DUSP18: variants seen among roughly 807,000 people sequenced by gnomAD.
DUSP18 encodes the protein dual specificity protein phosphatase 18.
Under a neutral mutation model 6.3 loss-of-function variants are expected in DUSP18, and 4 were observed. The observed-to-expected ratio is 0.63, with a 90% CI of 0.31 to 1.45. The LOEUF is 1.45. Among genes scored for constraint, DUSP18 ranks in the 40% most tolerant of loss-of-function variants. DUSP18 has a pLI of 0.07. For synonymous variants in DUSP18, 96 were observed against 95.1 expected (o/e 1.01, Z -0.05); for missense variants, 235 against 247.7 (o/e 0.95, Z 0.34).
chr22:30,657,291 AC>A (rs2088358619), downstream of DUSP18, among the ~76,000 whole-genome samples: 6 of 150,900 alleles, frequency 4.0e-5, no homozygotes, highest in Admixed American at 1.3e-4. Flanking sequence ...ACACACACAC[AC>A]ACACACACAC....
Position 30,663,947 on chromosome 22 carries a change from G to C in DUSP18, c.57C>G (p.Gly19=), listed in dbSNP as rs1374312333. ...ACAGGCTTTTGGTTATCTGCGAGAG[G>C]CCGCTGACTGAGGGCTGCCGGAACT... ...PVQFRQPSVS[G]LSQITKSLYI... The change falls in exon 2 of 2, where the codon GGC becomes GGG. Residue 19 remains glycine (G), a synonymous_variant. Transcript: ENST00000334679. 1 of 1,614,200 alleles carries C rather than the reference G, an allele frequency of 6.2e-7. No individual in the cohort carries two copies. The highest frequency in any genetic ancestry group is 8.5e-7 in the Non-Finnish European group (1 of 1,180,032).
At chr22:30,654,803 C>T (rs547235159) in intron 2 of DUSP18, 3 of 191,966 alleles carry the variant, frequency 1.6e-5, no homozygotes, top group Non-Finnish European at 3.2e-5. Flanking sequence ...CCGGGACCTG[C>T]CCCTCTGCCA....
In DUSP18 at chr22:30,663,955, CTG is replaced by C; in HGVS notation, c.47_48del (p.Ser16CysfsTer27). On this transcript the variant is annotated frameshift_variant, in exon 2 of 2. Coordinates refer to ENST00000334679, the MANE Select transcript of DUSP18 (RefSeq NM_152511.5). LOFTEE classifies it high-confidence loss of function. Reference sequence around the variant, plus strand: ...TTGGTTATCTGCGAGAGGCCGCTGACTGAGGGCTGCCGGAACTGAACTGGGAA... The same window carrying C: ...TTGGTTATCTGCGAGAGGCCGCTGACAGGGCTGCCGGAACTGAACTGGGAA... Reference protein sequence around the residue: ...CAFPVQFRQPSVSGLSQITKS... With the variant: ...CAFPVQFRQPXVSGLSQITKS... 1 of 1,614,188 alleles carries C rather than the reference CTG, an allele frequency of 6.2e-7. No homozygotes were observed. Among genetic ancestry groups the C allele is most frequent in the Non-Finnish European group, 8.5e-7 (1 of 1,180,020 alleles).
chr22:30,656,158 G>A lies in DUSP18; in HGVS notation c.*34-3861C>T, dbSNP rs563997817. On this transcript the variant is annotated intron_variant, in intron 2 of 2. Coordinates refer to the DUSP18 transcript ENST00000404885. ...TGGGCTTTTTTTTTTTAAACTTTTT[G>A]TAGAGAAGGAGTCTCACTATGTTGC... Among the ~76,000 whole-genome samples, 9 of 151,168 alleles carry A rather than the reference G, an allele frequency of 6.0e-5. No individual in the cohort carries two copies. The South Asian group carries it at 1.7e-3, about 28-fold the overall frequency.
In DUSP18 at chr22:30,663,696, T is replaced by G. The variant is rs1374222537; in HGVS notation, c.308A>C (p.His103Pro). 24 of 1,614,220 alleles carry G rather than the reference T, an allele frequency of 1.5e-5. No individual in the cohort carries two copies. The highest frequency in any genetic ancestry group is 1.8e-5 in the Non-Finnish European group (21 of 1,180,042). Reference sequence around the variant, plus strand: ...TGAGCGGCTCACACCAGCAGCACAGTGCAGCAAAGTACGGCCCTGCTTCAT... The same window carrying G: ...TGAGCGGCTCACACCAGCAGCACAGGGCAGCAAAGTACGGCCCTGCTTCAT... The part of the protein sequence containing the change: ...VEMKQGRTLL[H>P]CAAGVSRSAA... Residue 103 changes from histidine (H) to proline (P), a missense_variant, in exon 2 of 2, where the codon CAC (histidine) becomes CCC (proline). Physicochemically the swap from His to Pro is moderately conservative, Grantham distance 77. Transcript: ENST00000334679.
chr22:30,663,767 G>C lies in DUSP18; in HGVS notation c.237C>G (p.Leu79=), dbSNP rs1246594038. 1 of 1,614,226 alleles carries C rather than the reference G, an allele frequency of 6.2e-7. No individual in the cohort carries two copies. Among genetic ancestry groups the C allele is most frequent in the Non-Finnish European group, 8.5e-7 (1 of 1,180,032 alleles). ...VPVADSPNSR[L]CDFFDPIADH... ...CAGCAATAGGGTCAAAGAAGTCACAGAGACGTGAGTTAGGGGAGTCAGCCA... is the reference window on the plus strand; with the variant it reads ...CAGCAATAGGGTCAAAGAAGTCACACAGACGTGAGTTAGGGGAGTCAGCCA... Residue 79 remains leucine (L), a synonymous_variant, in exon 2 of 2, where the codon CTC becomes CTG. Transcript: ENST00000334679.
At chr22:30,654,712 C>T (rs2088299095) in intron 2 of DUSP18, 3 of 359,008 alleles carry the variant, frequency 8.4e-6, no homozygotes, top group South Asian at 2.3e-5. Context: ...GATGCCCCCG[C>T]AGTGTACGAC....
Position 30,663,251 on chromosome 22 carries a change from TTA to T in DUSP18, c.*184_*185del. ...AAAATTTATCTTCACCATCTCACAATTAGTTTAATCTTAAAAAAAATGGATTA... is the reference window on the plus strand; with the variant it reads ...AAAATTTATCTTCACCATCTCACAATGTTTAATCTTAAAAAAAATGGATTA... On this transcript the variant is annotated 3_prime_UTR_variant, in exon 2 of 2. Transcript: ENST00000334679. 3.1e-6 allele frequency: 2 copies of T among 638,342 alleles called. No individual in the cohort carries two copies. The highest frequency in any genetic ancestry group is 5.7e-5 in the East Asian group (2 of 35,182). 39.5% of individuals were successfully genotyped at this position (638,342 alleles called of 1,614,324 possible). A position where few individuals can be genotyped will look rare whatever the true frequency, so the allele number is the denominator to read the frequency against.
intron 1 of DUSP18, 160 bp downstream of exon 1, chr22:30,667,302 G>A (rs1295509679): frequency 6.6e-6 from 1 of 152,220 alleles, no homozygotes; most frequent in Non-Finnish European, 1.5e-5. Flanking sequence ...AAACACCGCG[G>A]GGCGTTCGTG....
chr22:30,655,577 A>C (rs2088324703), intron 2 of DUSP18, among the ~76,000 whole-genome samples: 1 of 152,132 alleles, frequency 6.6e-6, no homozygotes, highest in African/African-American at 2.4e-5. Flanking sequence ...TGTCTCCCAG[A>C]AATGGGCCTG....
chr22:30,652,987 C>T (rs759479054), intron 2 of DUSP18, among the ~76,000 whole-genome samples: 6 of 152,112 alleles, frequency 3.9e-5, no homozygotes, highest in South Asian at 2.1e-4. Flanking sequence ...TGATTGAGGA[C>T]GTGAGGACAT....
downstream of DUSP18, among the ~76,000 whole-genome samples, chr22:30,658,713 TCA>T (rs1235415714): frequency 2.0e-5 from 3 of 152,094 alleles, no homozygotes; most frequent in Non-Finnish European, 4.4e-5. Context: ...ATTTGTAGGT[TCA>T]CATGCATGGA....
At chr22:30,659,372 T>C (rs2088414128), downstream of DUSP18, among the ~76,000 whole-genome samples, 1 of 152,098 alleles carries the variant, frequency 6.6e-6, no homozygotes. Context: ...AAAAGACTCT[T>C]TTTTTCTCTC....
intron 2 of DUSP18, among the ~76,000 whole-genome samples, chr22:30,652,756 C>T (rs2088247774): frequency 6.6e-6 from 1 of 152,202 alleles, no homozygotes; most frequent in South Asian, 2.1e-4. Flanking sequence ...TTGGTGTCCA[C>T]CAAAGTGAGT....
At chr22:30,657,276 A>AACAC (rs146940549), downstream of DUSP18, among the ~76,000 whole-genome samples, 14 of 14,180 alleles carry the variant, frequency 9.9e-4, no homozygotes, top group Middle Eastern at 0.022. Flanking sequence ...CTCTACTAAA[A>AACAC]ACACACACAC....
intron 1 of DUSP18, 79 bp from the exon 2 acceptor site, chr22:30,664,159 A>C: frequency 1.5e-6 from 1 of 670,162 alleles, no homozygotes; most frequent in Non-Finnish European, 2.6e-6. Context: ...ATGGATGGAT[A>C]GGCTTATAGC....
rs2088499459 is a variant in DUSP18, at chr22:30,662,290, G to A, written c.*1147C>T. 4 of 152,218 alleles carry A rather than the reference G, an allele frequency of 2.6e-5. No homozygotes were observed. The highest frequency in any genetic ancestry group is 1.3e-4 in the Admixed American group (2 of 15,276). 9.4% of individuals were successfully genotyped at this position (152,218 alleles called of 1,614,324 possible). A position where few individuals can be genotyped will look rare whatever the true frequency, so the allele number is the denominator to read the frequency against. ...AGAAAAGGGCTGTCATTGGACAGAT[G>A]AGGACACTGATGCTCCCAGGGGTCC... On this transcript the variant is annotated 3_prime_UTR_variant, in exon 2 of 2. Coordinates refer to ENST00000334679, the MANE Select transcript of DUSP18 (RefSeq NM_152511.5).
At chr22:30,654,264 G>A (rs1476540335) in intron 2 of DUSP18, 5 of 426,634 alleles carry the variant, frequency 1.2e-5, no homozygotes, top group Admixed American at 2.6e-5. Context: ...GATTACAGGC[G>A]TGAGCCACCG....
chr22:30,656,372 C>T (rs1054313452), intron 2 of DUSP18, among the ~76,000 whole-genome samples: 9 of 152,104 alleles, frequency 5.9e-5, no homozygotes, highest in African/African-American at 1.2e-4. Flanking sequence ...GTAATTAGAT[C>T]GCCATCTCAA....
Sources: gnomAD v4.1 joint callset for allele counts (sites outside exome capture counted in the v4.1 genomes callset) on GRCh38, gnomAD v4.1.1 for gene constraint, MANE v1.5 for transcripts, NCBI Gene and HGNC (gene_info 2026-07-23, HGNC 2026-07-21) for gene names.